Variants in ALCAM observed in about 807,000 individuals in gnomAD.
The protein encoded by ALCAM is CD166 antigen.
In ALCAM, 30 loss-of-function variants were observed where a neutral mutation model predicts 70.9. The observed-to-expected ratio is 0.42, with a 90% CI of 0.32 to 0.57. The LOEUF (loss-of-function observed/expected upper bound fraction) is 0.57. Among genes scored for constraint, ALCAM ranks in the 20% least tolerant of loss-of-function variants. ALCAM has a pLI of 0.11. For missense variants in ALCAM, 591 were observed against 695.1 expected (o/e 0.85, Z 1.68); for synonymous variants, 249 against 242.5 (o/e 1.03, Z -0.25).
intron 1 of ALCAM, among the ~76,000 whole-genome samples, chr3:105,515,358 G>A (rs561395456): frequency 2.0e-5 from 3 of 152,098 alleles, no homozygotes; most frequent in African/African-American, 7.2e-5. Flanking sequence ...AAACAAATTT[G>A]ATAATAACCA....
At chr3:105,572,713 G>T (rs577675814) in intron 15 of ALCAM, among the ~76,000 whole-genome samples, 1 of 152,102 alleles carries the variant, frequency 6.6e-6, no homozygotes. Flanking sequence ...GTGTAAAAGC[G>T]TTCCTATTTT....
Position 105,520,679 on chromosome 3 carries a change from T to TC in ALCAM, c.174+515dup, listed in dbSNP as rs398106266. Among the ~76,000 whole-genome samples the TC allele has an allele frequency of 3.9e-5, 6 of 152,052 alleles. No homozygotes were observed. The East Asian group carries it at 5.8e-4, about 15-fold the overall frequency. ...TTTATATTTAACGGTGTTGATTTTTTCCCATATTTCTTGCAGATAGTAAAA... is the reference window on the plus strand; with the variant it reads ...TTTATATTTAACGGTGTTGATTTTTTCCCCATATTTCTTGCAGATAGTAAAA... On this transcript the variant is annotated intron_variant, in intron 2 of 15. Coordinates refer to ENST00000306107, the MANE Select transcript of ALCAM (RefSeq NM_001627.4).
chr3:105,508,873 C>T (rs1039438341), intron 1 of ALCAM, among the ~76,000 whole-genome samples: 1 of 152,064 alleles, frequency 6.6e-6, no homozygotes, highest in Admixed American at 6.6e-5. Context: ...AACATCTCCC[C>T]ACTTCTGACA....
chr3:105,368,623 G>A (rs1559767238), intron 1 of ALCAM, among the ~76,000 whole-genome samples: 3 of 151,940 alleles, frequency 2.0e-5, no homozygotes, highest in African/African-American at 7.3e-5. Context: ...TTCAGCTGTC[G>A]GCAAGCTCAG....
At chr3:105,388,414 A>G (rs1935713797) in intron 1 of ALCAM, among the ~76,000 whole-genome samples, 1 of 151,618 alleles carries the variant, frequency 6.6e-6, no homozygotes, top group Non-Finnish European at 1.5e-5. Context: ...TTGAAATGCT[A>G]CTTTTGAGGA....
At chr3:105,477,727 T>C (rs1372408320) in intron 1 of ALCAM, among the ~76,000 whole-genome samples, 1 of 152,138 alleles carries the variant, frequency 6.6e-6, no homozygotes, top group African/African-American at 2.4e-5. Context: ...ATATTACAAC[T>C]TTTGGTATCA....
intron 1 of ALCAM, among the ~76,000 whole-genome samples, chr3:105,429,065 G>T (rs1007645085): frequency 1.3e-5 from 2 of 151,856 alleles, no homozygotes; most frequent in Non-Finnish European, 2.9e-5. Context: ...TTCATATCAT[G>T]CCTGTTTAGA....
At chr3:105,429,388 A>AT (rs1478987908) in intron 1 of ALCAM, among the ~76,000 whole-genome samples, 2 of 151,968 alleles carry the variant, frequency 1.3e-5, no homozygotes, top group African/African-American at 4.8e-5. Flanking sequence ...GGATATTTTG[A>AT]TTTTTTAAGT....
intron 1 of ALCAM, among the ~76,000 whole-genome samples, chr3:105,368,333 CT>C (rs1441001887): frequency 6.6e-6 from 1 of 151,834 alleles, no homozygotes; most frequent in Non-Finnish European, 1.5e-5. Flanking sequence ...GGGACGTCCC[CT>C]GGCCCTGGTA....
intron 1 of ALCAM, among the ~76,000 whole-genome samples, chr3:105,468,696 A>G (rs768411409): frequency 4.6e-5 from 7 of 151,266 alleles, no homozygotes; most frequent in South Asian, 2.1e-4. Flanking sequence ...TGCAATGACC[A>G]AGAGTACATA....
At chr3:105,405,094 A>T (rs1217875518) in intron 1 of ALCAM, among the ~76,000 whole-genome samples, 2 of 152,030 alleles carry the variant, frequency 1.3e-5, no homozygotes, top group Admixed American at 6.6e-5. Flanking sequence ...CCTGACCAAC[A>T]TGGAGAAACC....
intron 14 of ALCAM, among the ~76,000 whole-genome samples, chr3:105,570,988 C>G (rs976725408): frequency 3.3e-5 from 5 of 152,136 alleles, no homozygotes; most frequent in African/African-American, 1.2e-4. Context: ...CTTGGACATA[C>G]AGCTACCATT....
intron 1 of ALCAM, among the ~76,000 whole-genome samples, chr3:105,469,945 T>G (rs73189010): frequency 0.14 from 21,412 of 150,684 alleles, 1,743 homozygotes; most frequent in Non-Finnish European, 0.19. Flanking sequence ...AGTTTTCAAA[T>G]CTATAAACAC....
At chr3:105,396,785 C>G (rs1237436331) in intron 1 of ALCAM, among the ~76,000 whole-genome samples, 1 of 151,968 alleles carries the variant, frequency 6.6e-6, no homozygotes, top group Non-Finnish European at 1.5e-5. Flanking sequence ...GTTACCATAC[C>G]TTTCCAAAGA....
At chr3:105,411,957 A>G (rs989210129) in intron 1 of ALCAM, among the ~76,000 whole-genome samples, 1 of 152,116 alleles carries the variant, frequency 6.6e-6, no homozygotes, top group Non-Finnish European at 1.5e-5. Flanking sequence ...TAAAAAATTT[A>G]TGTTGTAAAC....
chr3:105,433,267 T>G (rs1222800893), intron 1 of ALCAM, among the ~76,000 whole-genome samples: 1 of 152,140 alleles, frequency 6.6e-6, no homozygotes, highest in Non-Finnish European at 1.5e-5. Flanking sequence ...AAATGGATGT[T>G]CAGTATGCGT....
chr3:105,451,866 G>C (rs1000557657), intron 1 of ALCAM, among the ~76,000 whole-genome samples: 1 of 152,006 alleles, frequency 6.6e-6, no homozygotes, highest in Non-Finnish European at 1.5e-5. Flanking sequence ...CACTGCGTTG[G>C]TTTGCCACCT....
At chr3:105,489,483 C>G (rs927436041) in intron 1 of ALCAM, among the ~76,000 whole-genome samples, 2 of 152,170 alleles carry the variant, frequency 1.3e-5, no homozygotes, top group Middle Eastern at 3.4e-3. Flanking sequence ...GATTCATTCT[C>G]TTAAATACAG....
At chr3:105,439,943 G>T (rs1197753795) in intron 1 of ALCAM, among the ~76,000 whole-genome samples, 1 of 152,138 alleles carries the variant, frequency 6.6e-6, no homozygotes, top group African/African-American at 2.4e-5. Flanking sequence ...TGCTTATAGA[G>T]ATATTTTCTT....
Sources: gnomAD v4.1 joint callset for allele counts (sites outside exome capture counted in the v4.1 genomes callset) on GRCh38, gnomAD v4.1.1 for gene constraint, MANE v1.5 for transcripts, NCBI Gene and HGNC (gene_info 2026-07-23, HGNC 2026-07-21) for gene names.